Variants in AGBL4 observed in about 807,000 individuals in gnomAD.
AGBL4 encodes the protein cytosolic carboxypeptidase 6.
In AGBL4, 58 loss-of-function variants were observed where a neutral mutation model predicts 66.4. That is an observed-to-expected ratio of 0.87 (90% confidence interval 0.71 to 1.09). The LOEUF (loss-of-function observed/expected upper bound fraction) is 1.09, where lower values mean the gene tolerates loss of function less well. AGBL4 is among the 50% of genes least tolerant of loss of function. The pLI, the probability that AGBL4 is intolerant of heterozygous loss-of-function variation, is 0.00. For synonymous variants in AGBL4, 234 were observed against 222.9 expected (o/e 1.05, Z -0.44); for missense variants, 579 against 631.0 (o/e 0.92, Z 0.88).
chr1:48,688,136 A>G (rs1168912754), intron 6 of AGBL4, among the ~76,000 whole-genome samples: 3 of 152,204 alleles, frequency 2.0e-5, no homozygotes, highest in East Asian at 1.9e-4. Flanking sequence ...ATGAAGGGAG[A>G]GAAGGAGGGA....
At chr1:49,744,605 G>A (rs540627175) in intron 2 of AGBL4, among the ~76,000 whole-genome samples, 49 of 152,048 alleles carry the variant, frequency 3.2e-4, no homozygotes, top group Admixed American at 1.9e-3. Flanking sequence ...CTTGAATGCC[G>A]AAGAAGAAAT....
intron 6 of AGBL4, chr1:48,727,829 C>T: frequency 1.3e-6 from 2 of 1,518,152 alleles, no homozygotes; most frequent in Non-Finnish European, 9.0e-7. Flanking sequence ...GGCACCATCG[C>T]TCGCAAATCA....
chr1:49,983,773 G>A lies in AGBL4; in HGVS notation c.34+39990C>T, dbSNP rs2148390032. Among the ~76,000 whole-genome samples the A allele has an allele frequency of 1.3e-5, 2 of 152,274 alleles. 1 individual carries two copies. The highest frequency in any genetic ancestry group is 4.2e-4 in the South Asian group (2 of 4,818). ...TAAAGAAAAGATTTTAAAATATTGTGCTATAACCATAGATCAGTTATGCAT... is the reference window on the plus strand; with the variant it reads ...TAAAGAAAAGATTTTAAAATATTGTACTATAACCATAGATCAGTTATGCAT... On this transcript the variant is annotated intron_variant, in intron 1 of 13. Coordinates refer to ENST00000371839, the MANE Select transcript of AGBL4 (RefSeq NM_032785.4).
intron 3 of AGBL4, among the ~76,000 whole-genome samples, chr1:49,389,433 C>T (rs535722135): frequency 6.6e-6 from 1 of 152,230 alleles, no homozygotes; most frequent in South Asian, 2.1e-4. Flanking sequence ...AGTACTATTA[C>T]TCTCATTTTA....
chr1:49,496,953 T>G (rs1387808793), intron 3 of AGBL4, among the ~76,000 whole-genome samples: 2 of 152,046 alleles, frequency 1.3e-5, no homozygotes, highest in African/African-American at 4.8e-5. Context: ...TCTTACTGTT[T>G]TCAATAATGG....
chr1:48,835,621 T>C (rs1360710143), intron 6 of AGBL4, among the ~76,000 whole-genome samples: 2 of 152,080 alleles, frequency 1.3e-5, no homozygotes, highest in East Asian at 1.9e-4. Context: ...AATGGAAGCA[T>C]TCAGGGGTAG....
intron 3 of AGBL4, among the ~76,000 whole-genome samples, chr1:49,381,776 C>T (rs1255546988): frequency 7.0e-6 from 1 of 141,926 alleles, no homozygotes; most frequent in Non-Finnish European, 1.5e-5. Context: ...TATTCTCACT[C>T]ATAGGTGGGA....
chr1:49,165,665 G>A (rs1242772648), intron 4 of AGBL4, among the ~76,000 whole-genome samples: 1 of 151,036 alleles, frequency 6.6e-6, no homozygotes, highest in African/African-American at 2.4e-5. Context: ...AATGAGGGAA[G>A]GAAAGAGACA....
intron 6 of AGBL4, among the ~76,000 whole-genome samples, chr1:48,848,914 G>A (rs1646975004): frequency 6.6e-6 from 1 of 152,182 alleles, no homozygotes; most frequent in Non-Finnish European, 1.5e-5. Flanking sequence ...AAAGAAAGAT[G>A]GCAGCACCTT....
At chr1:48,894,998 T>C (rs992950124) in intron 5 of AGBL4, among the ~76,000 whole-genome samples, 1 of 152,178 alleles carries the variant, frequency 6.6e-6, no homozygotes, top group African/African-American at 2.4e-5. Context: ...AGTGTTTCAC[T>C]AGTTAAAAGG....
In AGBL4 at chr1:50,023,881, C is replaced by T. The variant is rs1335919230; in HGVS notation, c.-85G>A. On this transcript the variant is annotated 5_prime_UTR_variant, in exon 1 of 14. Transcript: ENST00000371839. Reference sequence around the variant, plus strand: ...GGTGGGATCAGTGGGCTGACAGGAGCTACCTCAGGAAGACGCGGCACGACG... The same window carrying T: ...GGTGGGATCAGTGGGCTGACAGGAGTTACCTCAGGAAGACGCGGCACGACG... 3 of 1,447,426 alleles carry T rather than the reference C, an allele frequency of 2.1e-6. No individual in the cohort carries two copies. The highest frequency in any genetic ancestry group is 2.7e-5 in the South Asian group (2 of 74,604). The allele number at this position is 1,447,426 out of a possible 1,614,324, so 89.7% of individuals were successfully genotyped here. A position where few individuals can be genotyped will look rare whatever the true frequency, so the allele number is the denominator to read the frequency against.
chr1:49,500,145 CAT>C (rs1244597241), intron 3 of AGBL4, among the ~76,000 whole-genome samples: 2 of 151,938 alleles, frequency 1.3e-5, no homozygotes, highest in Non-Finnish European at 2.9e-5. Flanking sequence ...AGCATTTTTT[CAT>C]ATGTTTGTTA....
At chr1:48,572,448 A>C (rs1644580980) in intron 11 of AGBL4, among the ~76,000 whole-genome samples, 1 of 152,016 alleles carries the variant, frequency 6.6e-6, no homozygotes, top group Non-Finnish European at 1.5e-5. Context: ...GGTGGGAGGA[A>C]AGAAGGGAGG....
At chr1:49,608,750 G>T (rs1490084139) in intron 3 of AGBL4, among the ~76,000 whole-genome samples, 5 of 151,602 alleles carry the variant, frequency 3.3e-5, no homozygotes, top group African/African-American at 7.3e-5. Context: ...GCCTGAAAAA[G>T]AACTAAAAAA....
chr1:49,739,077 G>C (rs968701437), intron 2 of AGBL4, among the ~76,000 whole-genome samples: 7 of 152,182 alleles, frequency 4.6e-5, no homozygotes. Context: ...CGAGTTGAGA[G>C]AAGAAGGCTT....
chr1:49,930,278 T>C (rs1389199200), intron 1 of AGBL4, among the ~76,000 whole-genome samples: 49 of 152,000 alleles, frequency 3.2e-4, no homozygotes, highest in African/African-American at 4.8e-5. Context: ...AATTAAATAA[T>C]GTGAAAAGCT....
chr1:49,064,700 G>T (rs1644462407), intron 4 of AGBL4, among the ~76,000 whole-genome samples: 1 of 152,002 alleles, frequency 6.6e-6, no homozygotes, highest in African/African-American at 2.4e-5. Context: ...ACCAATATAA[G>T]CCATATTTGC....
At chr1:49,583,905 C>A (rs1360446974) in intron 3 of AGBL4, among the ~76,000 whole-genome samples, 4 of 152,136 alleles carry the variant, frequency 2.6e-5, no homozygotes, top group African/African-American at 4.8e-5. Flanking sequence ...GTGGCATATA[C>A]CCTTAAGCCA....
In AGBL4 at chr1:48,867,189, A is replaced by T. The variant is rs1648184770; in HGVS notation, c.634+2T>A. On this transcript the variant is annotated splice_donor_variant, in intron 6 of 13. Coordinates refer to ENST00000371839, the MANE Select transcript of AGBL4 (RefSeq NM_032785.4). LOFTEE classifies it high-confidence loss of function. ...AAAGGCAGAAGGGCCACGCCTACTCACCAGGGCTGGTTATCGTCAGGAGGT... is the reference window on the plus strand; with the variant it reads ...AAAGGCAGAAGGGCCACGCCTACTCTCCAGGGCTGGTTATCGTCAGGAGGT... 6.2e-7 allele frequency: 1 copy of T among 1,613,536 alleles called. No individual in the cohort carries two copies.
Sources: allele counts gnomAD v4.1 joint callset (sites outside exome capture counted in the v4.1 genomes callset), GRCh38; gene constraint gnomAD v4.1.1; transcripts MANE v1.5; gene names NCBI Gene and HGNC (gene_info 2026-07-23, HGNC 2026-07-21).